ZNF226: variants seen among roughly 807,000 people sequenced by gnomAD.
ZNF226 encodes the protein Kruppel-associated box protein.
In ZNF226, 6 loss-of-function variants were observed where a neutral mutation model predicts 11.4. That is an observed-to-expected ratio of 0.53 (90% confidence interval 0.29 to 1.04). ZNF226 has a LOEUF of 1.04. ZNF226 is among the 50% of genes least tolerant of loss of function. The probability of loss-of-function intolerance (pLI) is 0.08; values close to 1 mark genes in which losing one functional copy is unlikely to be tolerated. For synonymous variants in ZNF226, 350 were observed against 322.8 expected, an observed-to-expected ratio of 1.08 and a Z score of -0.90; for missense variants, 1,058 against 956.5, an observed-to-expected ratio of 1.11 and a Z score of -1.40.
At chr19:44,173,680 C>T (rs1423752743) in intron 5 of ZNF226, 1 of 152,168 alleles carries the variant, frequency 6.6e-6, no homozygotes, top group African/African-American at 2.4e-5. Flanking sequence ...ATGGTGTGAA[C>T]CCAGGAGGCA....
intron 3 of ZNF226, among the ~76,000 whole-genome samples, chr19:44,170,559 C>A (rs1969966915): frequency 6.6e-6 from 1 of 151,992 alleles, no homozygotes; most frequent in Non-Finnish European, 1.5e-5. Context: ...ACATGGAAAC[C>A]CCATCTCTAC....
At chr19:44,192,221 A>G in the ZNF226 span, among the ~76,000 whole-genome samples, 1 of 152,228 alleles carries the variant, frequency 6.6e-6, no homozygotes, top group Non-Finnish European at 1.5e-5. Context: ...AGATTCTCCT[A>G]GGCCTTAAAG....
chr19:44,170,908 C>T (rs1175585887), intron 3 of ZNF226, among the ~76,000 whole-genome samples: 2 of 139,150 alleles, frequency 1.4e-5, no homozygotes, highest in African/African-American at 2.8e-5. Context: ...AAGACTCTGT[C>T]TCAAAAAAAA....
chr19:44,179,951 G>A (rs952400175), downstream of ZNF226, among the ~76,000 whole-genome samples: 1 of 151,664 alleles, frequency 6.6e-6, no homozygotes, highest in African/African-American at 2.4e-5. Flanking sequence ...GTCGGGTGAG[G>A]TGATGGGCGC....
At chr19:44,169,014 T>G (rs1969750990) in intron 2 of ZNF226, among the ~76,000 whole-genome samples, 1 of 136,030 alleles carries the variant, frequency 7.4e-6, no homozygotes, top group Non-Finnish European at 1.6e-5. Flanking sequence ...TTTTTTTTTT[T>G]TTTTTTTTTT....
Position 44,165,429 on chromosome 19 carries a change from A to G in ZNF226, c.-98+287A>G, listed in dbSNP as rs11672284. Among the ~76,000 whole-genome samples, 29 of 152,206 alleles carry G rather than the reference A, an allele frequency of 1.9e-4. No individual in the cohort carries two copies. In the Middle Eastern group the frequency reaches 0.014, roughly 71 times the overall value. ...GCCCTACCACTTCATACAGTATCACATTGAGCGAGTTAGTTAATCCCCGTG... is the reference window on the plus strand; with the variant it reads ...GCCCTACCACTTCATACAGTATCACGTTGAGCGAGTTAGTTAATCCCCGTG... On this transcript the variant is annotated intron_variant, in intron 1 of 5. Coordinates refer to ENST00000337433, the MANE Select transcript of ZNF226 (RefSeq NM_001032373.2).
chr19:44,176,447 A>G lies in ZNF226; in HGVS notation c.1185A>G (p.Ala395=), dbSNP rs1276656461. 6.2e-7 allele frequency: 1 copy of G among 1,613,888 alleles called. No homozygotes were observed. Among genetic ancestry groups the G allele is most frequent in the Non-Finnish European group, 8.5e-7 (1 of 1,179,968 alleles). ...HTGEKPFKCD[A]CGKSFSRNSH... ...GGGAGAAGCCATTCAAATGTGATGC[A>G]TGTGGTAAGAGCTTCAGTCGGAATT... Residue 395 remains alanine, a synonymous_variant, in exon 6 of 6, where the codon GCA becomes GCG. Coordinates refer to ENST00000337433, the MANE Select transcript of ZNF226 (RefSeq NM_001032373.2).
chr19:44,196,061 G>C, the ZNF226 span, among the ~76,000 whole-genome samples: 1 of 151,864 alleles, frequency 6.6e-6, no homozygotes, highest in African/African-American at 2.4e-5. Context: ...CAGAAGGAAT[G>C]ATGCCAGGGG....
chr19:44,170,059 T>G lies in ZNF226; in HGVS notation c.-22T>G, dbSNP rs1969899600. On this transcript the variant is annotated 5_prime_UTR_variant, in exon 3 of 6. Transcript: ENST00000337433. ...GTTCAGCTTCTTAGGACTCTGCACTTCCCCAGAAGGAAGAATTAAAAATGA... is the reference window on the plus strand; with the variant it reads ...GTTCAGCTTCTTAGGACTCTGCACTGCCCCAGAAGGAAGAATTAAAAATGA... 1.9e-6 allele frequency: 3 copies of G among 1,609,134 alleles called. No homozygotes were observed. The South Asian group carries it at 3.3e-5, about 18-fold the overall frequency.
At position 44,176,351 on chromosome 19, in the gene ZNF226, T is replaced by C. The variant is rs770880048; in HGVS notation, c.1089T>C (p.Tyr363=). Residue 363 remains tyrosine (Y), a synonymous_variant, in exon 6 of 6, where the codon TAT becomes TAC. Transcript: ENST00000337433. ...AGGTCCACACGGCAGAGAAACCTTA[T>C]AATTGTGAGGAGTGTGGGAGGGCCT... The part of the protein sequence containing the change: ...HCKVHTAEKP[Y]NCEECGRAFS... 15 of 1,614,072 alleles carry C rather than the reference T, an allele frequency of 9.3e-6. No individual in the cohort carries two copies. Among genetic ancestry groups the C allele is most frequent in the South Asian group, 2.2e-5 (2 of 91,084 alleles).
chr19:44,179,175 G>A (rs1293580241), downstream of ZNF226, among the ~76,000 whole-genome samples: 1 of 151,990 alleles, frequency 6.6e-6, no homozygotes, highest in Non-Finnish European at 1.5e-5. Context: ...GTGAGACTCA[G>A]TCTTAAAAAA....
chr19:44,190,287 A>G, the ZNF226 span, among the ~76,000 whole-genome samples: 1 of 152,128 alleles, frequency 6.6e-6, no homozygotes, highest in East Asian at 1.9e-4. Flanking sequence ...TAATTTACAT[A>G]AGAGCAGCAA....
At position 44,175,793 on chromosome 19, in the gene ZNF226, CCTGA is replaced by C. The variant is rs1456197196; in HGVS notation, c.536_539del (p.Thr179SerfsTer5). On this transcript the variant is annotated frameshift_variant, in exon 6 of 6. Coordinates refer to ENST00000337433, the MANE Select transcript of ZNF226 (RefSeq NM_001032373.2). LOFTEE classifies it low-confidence loss of function (END_TRUNC). Reference sequence around the variant, plus strand: ...CCCAGGATTCTTGGAGGAAAACATTCCTGACTGAGTCACAGAGATTGAACAGAGA... The same window carrying C: ...CCCAGGATTCTTGGAGGAAAACATTCCTGAGTCACAGAGATTGAACAGAGA... The C allele has an allele frequency of 1.2e-6, 2 of 1,613,536 alleles. No individual in the cohort carries two copies. The highest frequency in any genetic ancestry group is 2.7e-5 in the African/African-American group (2 of 74,910).
chr19:44,175,002 C>CTCTTT, intron 5 of ZNF226: 1 of 1,610,754 alleles, frequency 6.2e-7, no homozygotes. Context: ...CTTGTAAAAG[C>CTCTTT]TCTTTTGCTC....
In ZNF226 at chr19:44,176,032, G is replaced by A. The variant is rs1338169181; in HGVS notation, c.770G>A (p.Cys257Tyr). 3 of 1,613,852 alleles carry A rather than the reference G, an allele frequency of 1.9e-6. No homozygotes were observed. The highest frequency in any genetic ancestry group is 2.5e-6 in the Non-Finnish European group (3 of 1,179,904). ...TGQKSYQCNE[C>Y]KKPFSDLSSF... is the part of the protein sequence containing the mutation. ...CAGAAATCGTACCAGTGTAATGAGT[G>A]TAAAAAACCCTTCAGTGATCTCTCC... The change falls in exon 6 of 6, where the codon TGT (cysteine) becomes TAT (tyrosine). Residue 257 changes from cysteine (C) to tyrosine (Y), a missense_variant. By Grantham distance (194) the Cys-to-Tyr change is radical (BLOSUM62 -2). Coordinates refer to ENST00000337433, the MANE Select transcript of ZNF226 (RefSeq NM_001032373.2).
chr19:44,176,334 A>T lies in ZNF226; in HGVS notation c.1072A>T (p.Thr358Ser). The change falls in exon 6 of 6, where the codon ACG (threonine) becomes TCG (serine). Residue 358 changes from threonine (T) to serine (S), a missense_variant. Transcript: ENST00000337433. ...ACTTAATGTTCATTGCAAGGTCCAC[A>T]CGGCAGAGAAACCTTATAATTGTGA... ...SALNVHCKVH[T>S]AEKPYNCEEC... 6.2e-7 allele frequency: 1 copy of T among 1,614,202 alleles called. No homozygotes were observed. The highest frequency in any genetic ancestry group is 8.5e-7 in the Non-Finnish European group (1 of 1,180,024).
At chr19:44,186,611 A>C in the ZNF226 span, among the ~76,000 whole-genome samples, 2 of 152,024 alleles carry the variant, frequency 1.3e-5, no homozygotes, top group East Asian at 3.8e-4. Flanking sequence ...ATCTTTCTAC[A>C]TATAAGACCA....
Position 44,168,008 on chromosome 19 carries a change from G to A in ZNF226, c.-46-2027G>A, listed in dbSNP as rs137870803. ...TCAGACTATTGTAATTTTTATGTTG[G>A]AGGTGGGGAAATAACAAGACTGGAG... is the stretch of plus-strand genomic sequence containing the variant. On this transcript the variant is annotated intron_variant, in intron 2 of 5. Transcript: ENST00000337433. The A allele has an allele frequency of 8.9e-4, 135 of 152,322 alleles. 1 individual carries two copies. The highest frequency in any genetic ancestry group is 3.4e-3 in the Middle Eastern group (1 of 294). 9.4% of individuals were successfully genotyped at this position (152,322 alleles called of 1,614,324 possible). A position where few individuals can be genotyped will look rare whatever the true frequency, so the allele number is the denominator to read the frequency against.
Position 44,165,127 on chromosome 19 carries a change from G to A in ZNF226, c.-113G>A. On this transcript the variant is annotated 5_prime_UTR_variant, in exon 1 of 6. Coordinates refer to ENST00000337433, the MANE Select transcript of ZNF226 (RefSeq NM_001032373.2). ...ACGACGTAGCAGCCATCTTTTCCCT[G>A]GCTTTGGTGATTCAGGTCAGCTTCT... The A allele has an allele frequency of 6.6e-6, 1 of 152,144 alleles. No individual in the cohort carries two copies. Among genetic ancestry groups the A allele is most frequent in the East Asian group, 1.9e-4 (1 of 5,198 alleles). The allele number at this position is 152,144 out of a possible 1,614,324, so 9.4% of individuals were successfully genotyped here.
Sources: allele counts gnomAD v4.1 joint callset (sites outside exome capture counted in the v4.1 genomes callset), GRCh38; gene constraint gnomAD v4.1.1; transcripts MANE v1.5; gene names NCBI Gene and HGNC (gene_info 2026-07-23, HGNC 2026-07-21).